The following POLR2D variants were observed in gnomAD, a reference collection of about 807,000 sequenced individuals.
POLR2D encodes the protein RNA polymerase II subunit D.
In POLR2D, 10 loss-of-function variants were observed where a neutral mutation model predicts 17.6. That is an observed-to-expected ratio of 0.57 (90% confidence interval 0.35 to 0.96). The LOEUF is 0.96. Among genes scored for constraint, POLR2D ranks in the 40% least tolerant of loss-of-function variants. The pLI is 0.02. For missense variants in POLR2D, 126 were observed against 176.4 expected (o/e 0.71, Z 1.62); for synonymous variants, 52 against 60.2 (o/e 0.86, Z 0.63).
At position 127,857,901 on chromosome 2, in the gene POLR2D, C is replaced by T. The variant is rs376027444; in HGVS notation, c.73+127G>A. ...TCCCAAGGCCATGTTCCCTCCCCAG[C>T]CCCACGCCGCGCTGGGGCTTGCCCA... is the stretch of plus-strand genomic sequence containing the variant. On this transcript the variant is annotated intron_variant, in intron 1 of 3. Coordinates refer to ENST00000272645, the MANE Select transcript of POLR2D (RefSeq NM_004805.4). 9.5e-5 allele frequency: 133 copies of T among 1,406,286 alleles called. No individual in the cohort carries two copies. In the East Asian group the frequency reaches 3.1e-3, roughly 32 times the overall value. 87.1% of individuals were successfully genotyped at this position (1,406,286 alleles called of 1,614,324 possible).
rs1164859444 is a variant in POLR2D, at chr2:127,852,412, T to A, written c.254+513A>T. Among the ~76,000 whole-genome samples the A allele has an allele frequency of 6.6e-6, 1 of 152,042 alleles. No homozygotes were observed. The highest frequency in any genetic ancestry group is 6.6e-5 in the Admixed American group (1 of 15,258). On this transcript the variant is annotated intron_variant, in intron 2 of 3. Transcript: ENST00000272645. This position sits in a 1 kb window ranked among gnomAD's most constrained non-coding sequence, Gnocchi z 4.0. ...TACCTGCCACCACACCTGGCTAATT[T>A]CTGTATTTTTTTTGTAGGGACACGA...
chr2:127,851,957 A>T (rs1690259466), intron 2 of POLR2D, among the ~76,000 whole-genome samples: 1 of 152,116 alleles, frequency 6.6e-6, no homozygotes, highest in Admixed American at 6.6e-5. Flanking sequence ...CGCCCAGCTA[A>T]TTTTTGTATT....
chr2:127,857,334 A>G (rs1690353847), intron 1 of POLR2D, among the ~76,000 whole-genome samples: 1 of 152,276 alleles, frequency 6.6e-6, no homozygotes, highest in South Asian at 2.1e-4. Flanking sequence ...TAAATCAATA[A>G]ATCAATAAAG....
At chr2:127,848,525 C>G (rs1322306746) in intron 3 of POLR2D, among the ~76,000 whole-genome samples, 2 of 151,796 alleles carry the variant, frequency 1.3e-5, no homozygotes, top group African/African-American at 2.4e-5. Context: ...ATTCTCCTGT[C>G]TCAGCCTACC....
chr2:127,848,048 G>T lies in POLR2D; in HGVS notation c.*59C>A. 1 of 1,102,976 alleles carries T rather than the reference G, an allele frequency of 9.1e-7. No individual in the cohort carries two copies. 68.3% of individuals were successfully genotyped at this position (1,102,976 alleles called of 1,614,324 possible). On this transcript the variant is annotated 3_prime_UTR_variant, in exon 4 of 4. Transcript: ENST00000272645. ...TCTGTGCAAGTCAGCCCCAGACAGT[G>T]GGAAGGTGGTGTTATGCCTGGGGAT... is the stretch of plus-strand genomic sequence containing the variant.
intron 2 of POLR2D, among the ~76,000 whole-genome samples, chr2:127,850,976 T>A (rs925323594): frequency 2.0e-5 from 3 of 151,994 alleles, no homozygotes; most frequent in Non-Finnish European, 4.4e-5. Flanking sequence ...ATCCCAGCAC[T>A]TTGGGAGGCC....
rs1690150914 is a variant in POLR2D, at chr2:127,846,105, T to G, written c.*2002A>C. ...TGTCTCTACTAAAAACACAAAAAAT[T>G]AGCCAGGCGTGGTGGCAGGTACCTG... On this transcript the variant is annotated 3_prime_UTR_variant, in exon 4 of 4. Coordinates refer to ENST00000272645, the MANE Select transcript of POLR2D (RefSeq NM_004805.4). The G allele has an allele frequency of 6.6e-6, 1 of 151,916 alleles. No homozygotes were observed. The highest frequency in any genetic ancestry group is 1.5e-5 in the Non-Finnish European group (1 of 67,990). The allele number at this position is 151,916 out of a possible 1,614,324, so 9.4% of individuals were successfully genotyped here.
Position 127,852,730 on chromosome 2 carries a change from G to A in POLR2D, c.254+195C>T, listed in dbSNP as rs1690271867. Among the ~76,000 whole-genome samples the A allele has an allele frequency of 3.3e-5, 5 of 151,916 alleles. No individual in the cohort carries two copies. Among genetic ancestry groups the A allele is most frequent in the Admixed American group, 2.6e-4 (4 of 15,238 alleles). On this transcript the variant is annotated intron_variant, in intron 2 of 3. Transcript: ENST00000272645. The surrounding 1 kb of genome is among the most constrained non-coding windows in gnomAD (Gnocchi z 4.0). The stretch of plus-strand genomic sequence containing the variant: ...AGACGGGTTTTTGCTATATCGACCA[G>A]GCTGGTCTTGAACACCTGGCCTCAA...
At position 127,844,572 on chromosome 2, in the gene POLR2D, C is replaced by T. The variant is rs1424188983; in HGVS notation, c.*3535G>A. On this transcript the variant is annotated 3_prime_UTR_variant, in exon 4 of 4. Transcript: ENST00000272645. ...AGCCCTGTAAACAATTTTTGACTGT[C>T]TTGCAGAATAGCTGACCAGGCTTTC... 1 of 152,208 alleles carries T rather than the reference C, an allele frequency of 6.6e-6. No homozygotes were observed. Among genetic ancestry groups the T allele is most frequent in the African/African-American group, 2.4e-5 (1 of 41,452 alleles). The allele number at this position is 152,208 out of a possible 1,614,324, so 9.4% of individuals were successfully genotyped here. A position where few individuals can be genotyped will look rare whatever the true frequency, so the allele number is the denominator to read the frequency against.
At chr2:127,856,662 A>T (rs1368192836) in intron 1 of POLR2D, among the ~76,000 whole-genome samples, 1 of 152,178 alleles carries the variant, frequency 6.6e-6, no homozygotes, top group Non-Finnish European at 1.5e-5. Flanking sequence ...TTAAACCATA[A>T]AATACAAAAA....
Position 127,855,324 on chromosome 2 carries a change from T to C in POLR2D, c.74-2219A>G, listed in dbSNP as rs191042083. Among the ~76,000 whole-genome samples the C allele has an allele frequency of 4.0e-4, 52 of 128,492 alleles. 1 individual carries two copies. Among genetic ancestry groups the C allele is most frequent in the Middle Eastern group, 0.01 (2 of 194 alleles). 84.3% of individuals were successfully genotyped at this position (128,492 alleles called of 152,430 possible). On this transcript the variant is annotated intron_variant, in intron 1 of 3. Coordinates refer to ENST00000272645, the MANE Select transcript of POLR2D (RefSeq NM_004805.4). Reference sequence around the variant, plus strand: ...AGGAGAATTGCTTGAACCCGGGAGGTGGAGGTTGCAGTGAGCCGAGATTGT... The same window carrying C: ...AGGAGAATTGCTTGAACCCGGGAGGCGGAGGTTGCAGTGAGCCGAGATTGT...
chr2:127,849,667 A>G (rs1194218345), intron 3 of POLR2D, among the ~76,000 whole-genome samples: 1 of 151,604 alleles, frequency 6.6e-6, no homozygotes, highest in Non-Finnish European at 1.5e-5. Flanking sequence ...TTACTGCTGT[A>G]TAATAAACAT....
chr2:127,852,982 T>C lies in POLR2D; in HGVS notation c.197A>G (p.Asn66Ser). The C allele has an allele frequency of 6.2e-7, 1 of 1,614,074 alleles. No individual in the cohort carries two copies. Among genetic ancestry groups the C allele is most frequent in the African/African-American group, 1.3e-5 (1 of 75,042 alleles). ...ELSEVFMKTLNYTARFSRFKN... is the reference protein window; with the variant it reads ...ELSEVFMKTLSYTARFSRFKN... ...GAAACGACTGAAACGGGCTGTGTAG[T>C]TTAATGTTTTCATGAAGACTTCTGA... Residue 66 changes from asparagine (N) to serine (S), a missense_variant, in exon 2 of 4, where the codon AAC becomes AGC. Physicochemically the swap from Asn to Ser is conservative, Grantham distance 46. This residue lies in a region of POLR2D where 85 missense variants were observed against 151.4 expected (regional missense o/e 0.56). Transcript: ENST00000272645. The surrounding 1 kb of genome is among the most constrained non-coding windows in gnomAD (Gnocchi z 4.0).
intron 1 of POLR2D, 145 bp downstream of exon 1, chr2:127,857,883 G>A: frequency 1.8e-5 from 24 of 1,363,778 alleles, no homozygotes; most frequent in Non-Finnish European, 2.3e-5. Flanking sequence ...CCCTCCCAAG[G>A]CCATGTTCCC....
intron 3 of POLR2D, 33 bp downstream of exon 3, chr2:127,850,557 G>T (rs1558981512): frequency 2.3e-6 from 2 of 886,548 alleles, no homozygotes; most frequent in East Asian, 4.9e-5. Flanking sequence ...AATTTATCCA[G>T]TATACAGAGA....
chr2:127,853,249 AT>A, intron 1 of POLR2D, 144 bp from the exon 2 acceptor site: 1 of 663,112 alleles, frequency 1.5e-6, no homozygotes, highest in Non-Finnish European at 2.6e-6. Context: ...TTGAACTTTT[AT>A]TTTAGGTTCA....
At position 127,852,720 on chromosome 2, in the gene POLR2D, A is replaced by T. The variant is rs972256939; in HGVS notation, c.254+205T>A. 6.6e-6 allele frequency among the ~76,000 whole-genome samples: 1 copy of T among 152,134 alleles called. No homozygotes were observed. The highest frequency in any genetic ancestry group is 1.5e-5 in the Non-Finnish European group (1 of 68,030). On this transcript the variant is annotated intron_variant, in intron 2 of 3. Coordinates refer to ENST00000272645, the MANE Select transcript of POLR2D (RefSeq NM_004805.4). This position sits in a 1 kb window ranked among gnomAD's most constrained non-coding sequence, Gnocchi z 4.0. ...TTTTTAGCAGAGACGGGTTTTTGCT[A>T]TATCGACCAGGCTGGTCTTGAACAC...
chr2:127,854,239 C>A (rs190913182), intron 1 of POLR2D, among the ~76,000 whole-genome samples: 4 of 152,302 alleles, frequency 2.6e-5, no homozygotes, highest in Non-Finnish European at 2.9e-5. Flanking sequence ...TACAATAGTT[C>A]TGTTAAAAAA....
At position 127,848,044 on chromosome 2, in the gene POLR2D, C is replaced by G; in HGVS notation, c.*63G>C. 9.2e-7 allele frequency: 1 copy of G among 1,083,956 alleles called. No homozygotes were observed. Among genetic ancestry groups the G allele is most frequent in the Non-Finnish European group, 1.4e-6 (1 of 696,640 alleles). The allele number at this position is 1,083,956 out of a possible 1,614,324, so 67.1% of individuals were successfully genotyped here. A position where few individuals can be genotyped will look rare whatever the true frequency, so the allele number is the denominator to read the frequency against. Reference sequence around the variant, plus strand: ...AATTTCTGTGCAAGTCAGCCCCAGACAGTGGGAAGGTGGTGTTATGCCTGG... The same window carrying G: ...AATTTCTGTGCAAGTCAGCCCCAGAGAGTGGGAAGGTGGTGTTATGCCTGG... On this transcript the variant is annotated 3_prime_UTR_variant, in exon 4 of 4. Transcript: ENST00000272645.
Sources: allele counts gnomAD v4.1 joint callset (sites outside exome capture counted in the v4.1 genomes callset), GRCh38; gene constraint gnomAD v4.1.1; regional missense constraint gnomAD v4.1.1; non-coding constraint Gnocchi (gnomAD v3.1); transcripts MANE v1.5; gene names NCBI Gene and HGNC (gene_info 2026-07-23, HGNC 2026-07-21).